The following TSPAN2 variants were observed in gnomAD, a reference collection of about 807,000 sequenced individuals.
TSPAN2 encodes the protein tetraspanin 2.
A neutral mutation model predicts 33.3 loss-of-function variants in TSPAN2; 24 were observed. That is an observed-to-expected ratio of 0.72 (90% CI 0.52 to 1.01). The LOEUF (loss-of-function observed/expected upper bound fraction) is 1.01. Ranked by LOEUF, TSPAN2 falls within the 50% of genes least tolerant of loss-of-function variation. The pLI is 0.00. For synonymous variants in TSPAN2, 114 were observed against 104.5 expected (o/e 1.09, Z -0.56); for missense variants, 278 against 281.3 (o/e 0.99, Z 0.08).
At chr1:115,076,155 A>T (rs942656082) in intron 1 of TSPAN2, among the ~76,000 whole-genome samples, 17 of 152,330 alleles carry the variant, frequency 1.1e-4, no homozygotes, top group African/African-American at 4.1e-4. Flanking sequence ...TTTAATTTAC[A>T]TCTTGAAGAA....
intron 7 of TSPAN2, 72 bp downstream of exon 7, chr1:115,053,307 T>C: frequency 7.3e-7 from 1 of 1,374,524 alleles, no homozygotes; most frequent in Non-Finnish European, 1.0e-6. Flanking sequence ...CTATCACACT[T>C]GAAAAGAAAT....
chr1:115,080,857 T>C (rs1029430440), intron 1 of TSPAN2, among the ~76,000 whole-genome samples: 1 of 152,186 alleles, frequency 6.6e-6, no homozygotes, highest in African/African-American at 2.4e-5. Context: ...GCATATATAA[T>C]CACTTATCTT....
chr1:115,088,439 C>T (rs1269777934), intron 1 of TSPAN2, among the ~76,000 whole-genome samples: 1 of 152,126 alleles, frequency 6.6e-6, no homozygotes, highest in Non-Finnish European at 1.5e-5. Context: ...TTAAGAAAGC[C>T]CAAGAGGAAA....
intron 1 of TSPAN2, among the ~76,000 whole-genome samples, chr1:115,084,783 T>A (rs887946204): frequency 3.3e-5 from 5 of 152,218 alleles, no homozygotes; most frequent in African/African-American, 1.2e-4. Flanking sequence ...GAGATTCATG[T>A]GAGTCAAACT....
intron 2 of TSPAN2, among the ~76,000 whole-genome samples, chr1:115,068,429 G>A (rs187956091): frequency 6.6e-6 from 1 of 152,198 alleles, no homozygotes; most frequent in Non-Finnish European, 1.5e-5. Context: ...TCTTCCTGGG[G>A]TTCCTCTCAG....
intron 1 of TSPAN2, among the ~76,000 whole-genome samples, chr1:115,088,117 T>C (rs544521560): frequency 1.3e-5 from 2 of 152,326 alleles, no homozygotes; most frequent in African/African-American, 4.8e-5. Context: ...GCCATGTGTC[T>C]CTTTAAAGTT....
intron 1 of TSPAN2, among the ~76,000 whole-genome samples, chr1:115,077,325 A>G (rs1175580346): frequency 5.4e-5 from 4 of 73,634 alleles, no homozygotes; most frequent in Non-Finnish European, 1.1e-4. Flanking sequence ...AGGACAAGAA[A>G]AATACTTAAA....
intron 5 of TSPAN2, chr1:115,058,157 G>C (rs1647509579): frequency 1.3e-5 from 2 of 158,856 alleles, no homozygotes; most frequent in African/African-American, 4.8e-5. Context: ...CGGCAGCTGA[G>C]GTGAAACCGT....
intron 2 of TSPAN2, among the ~76,000 whole-genome samples, chr1:115,067,550 A>C (rs1647997223): frequency 6.6e-6 from 1 of 152,172 alleles, no homozygotes; most frequent in African/African-American, 2.4e-5. Flanking sequence ...ACAAGTGAAA[A>C]CCAAGTAAAA....
In TSPAN2 at chr1:115,052,636, C is replaced by A. The variant is rs147906257; in HGVS notation, c.600+743G>T. Among the ~76,000 whole-genome samples, 1,109 of 152,276 alleles carry A rather than the reference C, an allele frequency of 7.3e-3. 9 individuals carry two copies. The highest frequency in any genetic ancestry group is 0.016 in the South Asian group (76 of 4,824). On this transcript the variant is annotated intron_variant, in intron 7 of 7. Coordinates refer to ENST00000369516, the MANE Select transcript of TSPAN2 (RefSeq NM_005725.6). Reference sequence around the variant, plus strand: ...TCCTGCCATACCTGTCCGCTGCTATCCATTCTTCCCACACACTCTTCTTTT... The same window carrying A: ...TCCTGCCATACCTGTCCGCTGCTATACATTCTTCCCACACACTCTTCTTTT...
intron 2 of TSPAN2, among the ~76,000 whole-genome samples, chr1:115,063,785 C>T (rs951587911): frequency 2.6e-5 from 4 of 152,110 alleles, no homozygotes; most frequent in Admixed American, 2.6e-4. Flanking sequence ...GGCCATTATC[C>T]TAAGCAAACT....
chr1:115,085,263 T>C (rs1160573432), intron 1 of TSPAN2, among the ~76,000 whole-genome samples: 1 of 152,206 alleles, frequency 6.6e-6, no homozygotes, highest in Non-Finnish European at 1.5e-5. Context: ...GTAGTGGGGT[T>C]AATGGCTAGG....
chr1:115,081,961 C>T (rs1355607451), intron 1 of TSPAN2, among the ~76,000 whole-genome samples: 9 of 152,174 alleles, frequency 5.9e-5, no homozygotes. Context: ...TTTGTGGAAA[C>T]TATGTCTCCT....
intron 7 of TSPAN2, 101 bp downstream of exon 7, chr1:115,053,278 A>C: frequency 9.8e-7 from 1 of 1,024,022 alleles, no homozygotes; most frequent in Non-Finnish European, 1.5e-6. Flanking sequence ...TTTCTTTATG[A>C]GAATTCTCTC....
In TSPAN2 at chr1:115,060,323, T is replaced by C. The variant is rs1455739551; in HGVS notation, c.345+141A>G. The C allele has an allele frequency of 7.5e-6, 5 of 664,934 alleles. No individual in the cohort carries two copies. The East Asian group carries it at 1.4e-4, about 18-fold the overall frequency. 41.2% of individuals were successfully genotyped at this position (664,934 alleles called of 1,614,324 possible). ...CACACTCATATACATATATGCTCAG[T>C]TCTGCACACCACTTCTAAGTTAAAA... is the stretch of plus-strand genomic sequence containing the variant. On this transcript the variant is annotated intron_variant, in intron 4 of 7. Transcript: ENST00000369516.
intron 7 of TSPAN2, among the ~76,000 whole-genome samples, chr1:115,053,175 T>C (rs1031577155): frequency 5.3e-5 from 8 of 152,236 alleles, no homozygotes; most frequent in Non-Finnish European, 8.8e-5. Flanking sequence ...TGAGTTAAAG[T>C]TGAAATTTCT....
At chr1:115,067,503 A>G (rs566818744) in intron 2 of TSPAN2, among the ~76,000 whole-genome samples, 21 of 152,344 alleles carry the variant, frequency 1.4e-4, no homozygotes, top group Admixed American at 5.2e-4. Flanking sequence ...GTAAGCTACA[A>G]CACCTCTCTG....
rs1354589271 is a variant in TSPAN2, at chr1:115,072,974, A to G, written c.103T>C (p.Trp35Arg). Reference sequence around the variant, plus strand: ...TTTATGGCACCTCCGAACCGAAACCATAGTCCAAAAGCAATGACGGCCGAT... The same window carrying G: ...TTTATGGCACCTCCGAACCGAAACCGTAGTCCAAAAGCAATGACGGCCGAT... ...AGSAVIAFGL[W>R]FRFGGAIKEL... Residue 35 changes from tryptophan to arginine, a missense_variant, in exon 2 of 8, where the codon TGG becomes CGG. Trp to Arg is a moderately radical substitution (Grantham distance 101). Transcript: ENST00000369516. The G allele has an allele frequency of 1.1e-5, 18 of 1,614,030 alleles. No homozygotes were observed. Among genetic ancestry groups the G allele is most frequent in the Non-Finnish European group, 1.5e-5 (18 of 1,180,024 alleles).
chr1:115,082,986 A>G (rs1648686584), intron 1 of TSPAN2, among the ~76,000 whole-genome samples: 2 of 152,224 alleles, frequency 1.3e-5, no homozygotes, highest in South Asian at 4.1e-4. Flanking sequence ...GATAACGCAT[A>G]TGAAAGCACT....
Sources: allele counts gnomAD v4.1 joint callset (sites outside exome capture counted in the v4.1 genomes callset), GRCh38; gene constraint gnomAD v4.1.1; transcripts MANE v1.5; gene names NCBI Gene and HGNC (gene_info 2026-07-23, HGNC 2026-07-21).